MAP4K5: variants seen among roughly 807,000 people sequenced by gnomAD.
MAP4K5 encodes the protein mitogen-activated protein kinase kinase kinase kinase 5, also known as MAPK/ERK kinase kinase kinase 5.
MAP4K5 carries 82 observed loss-of-function variants against 135.6 expected under a neutral mutation model. The observed-to-expected ratio is 0.60, with a 90% CI of 0.51 to 0.73. MAP4K5 has a LOEUF of 0.73. Ranked by LOEUF, MAP4K5 falls within the 30% of genes least tolerant of loss-of-function variation. The pLI is 0.00. For missense variants in MAP4K5, 907 were observed against 1,010.9 expected (o/e 0.90, Z 1.39); for synonymous variants, 347 against 335.0 (o/e 1.04, Z -0.39).
chr14:50,502,877 T>C (rs577296599), intron 3 of MAP4K5, among the ~76,000 whole-genome samples: 6 of 152,068 alleles, frequency 3.9e-5, no homozygotes, highest in Admixed American at 1.3e-4. Context: ...AAAAAATACA[T>C]AGAGAGAGTT....
In MAP4K5 at chr14:50,423,246, T is replaced by C. The variant is rs1008173939; in HGVS notation, c.2398-70A>G. On this transcript the variant is annotated intron_variant, in intron 31 of 32. Transcript: ENST00000682126. ...TGCCTTAATAACAATTTAAAATTAA[T>C]TTAGAGCAATTATTAACACAATAAA... 7.8e-6 allele frequency: 5 copies of C among 643,016 alleles called. No individual in the cohort carries two copies. In the African/African-American group the frequency reaches 9.2e-5, roughly 12 times the overall value. 39.8% of individuals were successfully genotyped at this position (643,016 alleles called of 1,614,324 possible). A position where few individuals can be genotyped will look rare whatever the true frequency, so the allele number is the denominator to read the frequency against.
intron 13 of MAP4K5, among the ~76,000 whole-genome samples, chr14:50,461,163 C>A (rs1451849228): frequency 2.6e-5 from 4 of 151,964 alleles, no homozygotes. Context: ...GTAGCTGGGA[C>A]TACAGGCGCC....
intron 30 of MAP4K5, 66 bp from the exon 31 acceptor site, chr14:50,426,043 TA>T: frequency 9.9e-7 from 1 of 1,011,950 alleles, no homozygotes; most frequent in Non-Finnish European, 1.5e-6. Flanking sequence ...AAATTTTCTC[TA>T]CTTTTAATAA....
At chr14:50,441,183 T>C (rs1566642200) in intron 21 of MAP4K5, among the ~76,000 whole-genome samples, 1 of 152,192 alleles carries the variant, frequency 6.6e-6, no homozygotes, top group Admixed American at 6.5e-5. Flanking sequence ...CAATGGATGC[T>C]AAACTGAGTG....
At chr14:50,554,490 G>A (rs922313461) in intron 1 of MAP4K5, among the ~76,000 whole-genome samples, 4 of 152,186 alleles carry the variant, frequency 2.6e-5, no homozygotes, top group African/African-American at 9.7e-5. Flanking sequence ...GCTGGGGAAT[G>A]GGGTGGATTG....
At chr14:50,510,548 T>C (rs1845897862) in intron 2 of MAP4K5, among the ~76,000 whole-genome samples, 1 of 152,220 alleles carries the variant, frequency 6.6e-6, no homozygotes, top group Non-Finnish European at 1.5e-5. Context: ...GGAAGGTTAT[T>C]GCTCTCTTAA....
chr14:50,475,003 A>G (rs2037063879), intron 9 of MAP4K5, 74 bp downstream of exon 9: 3 of 1,211,656 alleles, frequency 2.5e-6, no homozygotes, highest in Non-Finnish European at 3.7e-6. Flanking sequence ...TACTTCTATT[A>G]CCAAGTATCG....
At chr14:50,430,740 T>C (rs1232848615) in intron 28 of MAP4K5, among the ~76,000 whole-genome samples, 7 of 152,216 alleles carry the variant, frequency 4.6e-5, no homozygotes, top group African/African-American at 1.4e-4. Context: ...GCTACATTTC[T>C]AATATTAAAA....
At chr14:50,536,735 G>C (rs529234623), upstream of MAP4K5, among the ~76,000 whole-genome samples, 1 of 152,324 alleles carries the variant, frequency 6.6e-6, no homozygotes, top group East Asian at 1.9e-4. Flanking sequence ...TTTTAGCAAA[G>C]ACACTGGTGG....
intron 1 of MAP4K5, among the ~76,000 whole-genome samples, chr14:50,548,070 G>T (rs1444654866): frequency 6.6e-6 from 1 of 152,110 alleles, no homozygotes; most frequent in African/African-American, 2.4e-5. Flanking sequence ...AAGAACAGGG[G>T]ATGGGAAGCC....
chr14:50,440,119 A>G, intron 22 of MAP4K5, 46 bp from the exon 23 acceptor site: 1 of 1,146,638 alleles, frequency 8.7e-7, no homozygotes. Context: ...TCATTATTTT[A>G]ATCTTTTAAA....
chr14:50,532,371 C>A, intron 1 of MAP4K5, 77 bp downstream of exon 1: 1 of 280,272 alleles, frequency 3.6e-6, no homozygotes, highest in Non-Finnish European at 6.7e-6. Context: ...GGCCTCCCCG[C>A]CAGCCGGGGC....
At chr14:50,433,583 A>G (rs2036022922) in intron 28 of MAP4K5, among the ~76,000 whole-genome samples, 1 of 152,218 alleles carries the variant, frequency 6.6e-6, no homozygotes, top group Admixed American at 6.5e-5. Context: ...GAGTTCTTGT[A>G]ACTTAGCCTA....
intron 2 of MAP4K5, among the ~76,000 whole-genome samples, chr14:50,528,479 A>G (rs975942657): frequency 4.0e-5 from 6 of 149,536 alleles, no homozygotes; most frequent in East Asian, 2.0e-4. Context: ...GCCCTTTGGG[A>G]GACTGAGGCA....
chr14:50,498,442 CAT>C (rs996416539), intron 3 of MAP4K5, among the ~76,000 whole-genome samples: 1 of 152,096 alleles, frequency 6.6e-6, no homozygotes, highest in Admixed American at 6.5e-5. Flanking sequence ...AACATACAAA[CAT>C]AGGAAGGAAT....
At chr14:50,426,854 G>GT (rs1282941668) in intron 30 of MAP4K5, among the ~76,000 whole-genome samples, 1 of 152,230 alleles carries the variant, frequency 6.6e-6, no homozygotes, top group Non-Finnish European at 1.5e-5. Flanking sequence ...ACCATTACAA[G>GT]TAAGTATTAG....
Position 50,446,117 on chromosome 14 carries a change from T to A in MAP4K5, c.1147A>T (p.Thr383Ser). The A allele has an allele frequency of 6.4e-7, 1 of 1,571,078 alleles. No individual in the cohort carries two copies. Among genetic ancestry groups the A allele is most frequent in the Non-Finnish European group, 8.6e-7 (1 of 1,161,134 alleles). ...GGAGGTGGTATTGCACGTTTTGAGG[T>A]TGATCTAATACAAAGAAGAAATGCA... The part of the protein sequence containing the change: ...FVDGANTGKS[T>S]SKRAIPPPLP... The change falls in exon 17 of 33, where the codon ACC becomes TCC. Residue 383 changes from threonine (T) to serine (S), a missense_variant. Physicochemically the swap from Thr to Ser is moderately conservative, Grantham distance 58. Around this residue, in one of 3 missense-constraint regions of MAP4K5, gnomAD observed 690 missense variants for 777.4 expected, o/e 0.89. Coordinates refer to ENST00000682126, the MANE Select transcript of MAP4K5 (RefSeq NM_006575.6).
At chr14:50,505,394 C>T (rs1203531590) in intron 2 of MAP4K5, among the ~76,000 whole-genome samples, 2 of 152,068 alleles carry the variant, frequency 1.3e-5, no homozygotes, top group African/African-American at 4.8e-5. Flanking sequence ...ATATAATTTA[C>T]CCAACCCTCT....
chr14:50,555,848 C>G (rs2038759259), intron 1 of MAP4K5, among the ~76,000 whole-genome samples: 1 of 152,122 alleles, frequency 6.6e-6, no homozygotes, highest in Admixed American at 6.5e-5. Context: ...CAAAAGCATT[C>G]TAATTGACAT....
Sources: gnomAD v4.1 joint callset for allele counts (sites outside exome capture counted in the v4.1 genomes callset) on GRCh38, gnomAD v4.1.1 for gene constraint, gnomAD v4.1.1 regional missense constraint, MANE v1.5 for transcripts, NCBI Gene and HGNC (gene_info 2026-07-23, HGNC 2026-07-21) for gene names.